The following FGD6 variants were observed in gnomAD, a reference collection of about 807,000 sequenced individuals.
FGD6 encodes the protein FYVE, RhoGEF and PH domain containing 6.
A neutral mutation model predicts 149.4 loss-of-function variants in FGD6; 90 were observed. The ratio of observed to expected loss-of-function variants is 0.60; its 90% CI spans 0.51 to 0.72. The LOEUF (loss-of-function observed/expected upper bound fraction) is 0.72. FGD6 is among the 30% of genes least tolerant of loss of function. The probability of loss-of-function intolerance (pLI) is 0.00; values close to 1 mark genes in which losing one functional copy is unlikely to be tolerated. For synonymous variants in FGD6, 527 were observed against 584.0 expected (o/e 0.90, Z 1.41); for missense variants, 1,437 against 1,684.8 (o/e 0.85, Z 2.57).
At chr12:95,207,162 G>A (rs1483796267) in intron 2 of FGD6, among the ~76,000 whole-genome samples, 2 of 152,032 alleles carry the variant, frequency 1.3e-5, no homozygotes, top group Non-Finnish European at 2.9e-5. Flanking sequence ...TAGAGATAGT[G>A]AGTGGGTTCT....
intron 14 of FGD6, 123 bp downstream of exon 14, chr12:95,104,884 G>T: frequency 1.4e-6 from 1 of 717,460 alleles, no homozygotes; most frequent in Non-Finnish European, 2.3e-6. Flanking sequence ...CTGCATTCCA[G>T]CCTGGGTGAC....
intron 2 of FGD6, among the ~76,000 whole-genome samples, chr12:95,198,190 C>G (rs1422411149): frequency 6.6e-6 from 1 of 152,160 alleles, no homozygotes; most frequent in Non-Finnish European, 1.5e-5. Context: ...AGCACAACAT[C>G]AACATGTTCT....
At chr12:95,215,723 G>A (rs1482254881) in intron 1 of FGD6, among the ~76,000 whole-genome samples, 1 of 152,206 alleles carries the variant, frequency 6.6e-6, no homozygotes, top group Non-Finnish European at 1.5e-5. Context: ...CAAGAATCAT[G>A]AACTTCCAGT....
At position 95,081,359 on chromosome 12, in the gene FGD6, T is replaced by C. The variant is rs1877665817; in HGVS notation, c.*161A>G. The C allele has an allele frequency of 8.8e-6, 4 of 455,854 alleles. No homozygotes were observed. The South Asian group carries it at 2.3e-4, about 26-fold the overall frequency. The allele number at this position is 455,854 out of a possible 1,614,324, so 28.2% of individuals were successfully genotyped here. A position where few individuals can be genotyped will look rare whatever the true frequency, so the allele number is the denominator to read the frequency against. On this transcript the variant is annotated 3_prime_UTR_variant, in exon 21 of 21. Coordinates refer to ENST00000343958, the MANE Select transcript of FGD6 (RefSeq NM_018351.4). ...AACATAAATGAAAAAACAAACACCTTTTAAAAATTGCTTATACCTAACAAA... is the reference window on the plus strand; with the variant it reads ...AACATAAATGAAAAAACAAACACCTCTTAAAAATTGCTTATACCTAACAAA...
intron 2 of FGD6, among the ~76,000 whole-genome samples, chr12:95,207,129 G>A (rs566596888): frequency 5.9e-5 from 9 of 151,982 alleles, no homozygotes; most frequent in Admixed American, 3.9e-4. Context: ...TCACGGGGGC[G>A]GTTTTCCCCC....
At chr12:95,199,671 C>G (rs1881820362) in intron 2 of FGD6, among the ~76,000 whole-genome samples, 1 of 138,270 alleles carries the variant, frequency 7.2e-6, no homozygotes, top group Admixed American at 7.8e-5. Context: ...CTGGCTCAAT[C>G]TTAGCTCACT....
chr12:95,090,979 G>A (rs1215101299), intron 17 of FGD6, among the ~76,000 whole-genome samples: 2 of 152,172 alleles, frequency 1.3e-5, no homozygotes, highest in African/African-American at 2.4e-5. Flanking sequence ...ACGCGTGCCC[G>A]TAATCCCAGC....
At chr12:95,207,980 G>A (rs532769724) in intron 2 of FGD6, among the ~76,000 whole-genome samples, 29 of 152,180 alleles carry the variant, frequency 1.9e-4, no homozygotes, top group Non-Finnish European at 3.8e-4. Context: ...GCCCAGTGTA[G>A]TGACTCATGC....
chr12:95,108,002 C>G (rs1468202929), intron 11 of FGD6, among the ~76,000 whole-genome samples: 1 of 152,102 alleles, frequency 6.6e-6, no homozygotes. Flanking sequence ...CCAATCTCCC[C>G]CCTCCCTTCA....
chr12:95,210,727 G>A lies in FGD6; in HGVS notation c.557C>T (p.Ala186Val). The change falls in exon 2 of 21, where the codon GCC becomes GTC. Residue 186 changes from alanine (A) to valine (V), a missense_variant. Physicochemically the swap from Ala to Val is moderately conservative, Grantham distance 64. This residue lies in a region of FGD6 where 1,055 missense variants were observed against 1,146.0 expected (regional missense o/e 0.92). Transcript: ENST00000343958. ...AAAAGGTGGCATTTGGTGTATTAAG[G>A]CATCTTTGAGCTCCTCTTCTAAAAC... ...ASVLEEELKD[A>V]LIHQMPPFIS... The A allele has an allele frequency of 6.2e-7, 1 of 1,613,842 alleles. No individual in the cohort carries two copies. The highest frequency in any genetic ancestry group is 8.5e-7 in the Non-Finnish European group (1 of 1,180,000).
intron 5 of FGD6, among the ~76,000 whole-genome samples, chr12:95,143,948 A>G (rs1462931284): frequency 2.0e-5 from 3 of 152,206 alleles, no homozygotes; most frequent in Non-Finnish European, 2.9e-5. Flanking sequence ...GTCTCCTGGC[A>G]GCAGGATAAC....
In FGD6 at chr12:95,078,186, A is replaced by C. The variant is rs1024723205; in HGVS notation, c.*3334T>G. On this transcript the variant is annotated 3_prime_UTR_variant, in exon 21 of 21. Transcript: ENST00000343958. ...GAGACCCGGTCTCTTAAAAACTAAA[A>C]AGACCTAGGGCAGTATTATGGAAGA... 2 of 152,210 alleles carry C rather than the reference A, an allele frequency of 1.3e-5. No individual in the cohort carries two copies. Among genetic ancestry groups the C allele is most frequent in the Non-Finnish European group, 2.9e-5 (2 of 68,058 alleles). The allele number at this position is 152,210 out of a possible 1,614,324, so 9.4% of individuals were successfully genotyped here.
intron 3 of FGD6, among the ~76,000 whole-genome samples, chr12:95,165,840 T>A (rs1485483837): frequency 5.9e-5 from 9 of 151,388 alleles, no homozygotes; most frequent in Non-Finnish European, 8.8e-5. Flanking sequence ...AGGCATGGGG[T>A]TTTGCCATGT....
intron 3 of FGD6, among the ~76,000 whole-genome samples, chr12:95,168,015 T>C (rs1592860864): frequency 6.6e-6 from 1 of 152,046 alleles, no homozygotes; most frequent in South Asian, 2.1e-4. Context: ...CATTTATATG[T>C]TGACAACCTG....
At chr12:95,158,810 C>A (rs1307324631) in intron 3 of FGD6, among the ~76,000 whole-genome samples, 7 of 151,468 alleles carry the variant, frequency 4.6e-5, no homozygotes, top group Admixed American at 4.6e-4. Context: ...TTGCTTGAGC[C>A]CAGGAGTTTG....
chr12:95,097,779 G>C (rs1410865824), intron 14 of FGD6, among the ~76,000 whole-genome samples: 1 of 151,938 alleles, frequency 6.6e-6, no homozygotes, highest in Non-Finnish European at 1.5e-5. Flanking sequence ...AGCCTACTAA[G>C]CCAGGACCTA....
At chr12:95,213,437 G>A (rs1050989678) in intron 1 of FGD6, among the ~76,000 whole-genome samples, 5 of 152,052 alleles carry the variant, frequency 3.3e-5, no homozygotes, top group African/African-American at 4.8e-5. Flanking sequence ...AAATAGTTTC[G>A]TAAAATGAAG....
At chr12:95,086,031 T>A in intron 18 of FGD6, 123 bp from the exon 19 acceptor site, 3 of 1,036,634 alleles carry the variant, frequency 2.9e-6, no homozygotes, top group Non-Finnish European at 4.2e-6. Flanking sequence ...GAATGAAATA[T>A]ATTTTCAAAG....
At chr12:95,216,698 C>T (rs1246696389) in intron 1 of FGD6, among the ~76,000 whole-genome samples, 1 of 117,638 alleles carries the variant, frequency 8.5e-6, no homozygotes, top group Non-Finnish European at 1.7e-5. Context: ...AAAACCTCAA[C>T]AATCTCAACT....
Sources: gnomAD v4.1 joint callset for allele counts (sites outside exome capture counted in the v4.1 genomes callset) on GRCh38, gnomAD v4.1.1 for gene constraint, gnomAD v4.1.1 regional missense constraint, MANE v1.5 for transcripts, NCBI Gene and HGNC (gene_info 2026-07-23, HGNC 2026-07-21) for gene names.